ROBO2: variants seen among roughly 807,000 people sequenced by gnomAD.
ROBO2 encodes the protein roundabout homolog 2.
In ROBO2, 53 loss-of-function variants were observed where a neutral mutation model predicts 160.8. The observed-to-expected ratio is 0.33, with a 90% CI of 0.26 to 0.41. The LOEUF (loss-of-function observed/expected upper bound fraction) is 0.41. Ranked by LOEUF, ROBO2 falls within the 10% of genes least tolerant of loss-of-function variation. ROBO2 has a pLI of 1.00. For synonymous variants in ROBO2, 664 were observed against 611.7 expected, an observed-to-expected ratio of 1.09 and a Z score of -1.26; for missense variants, 1,577 against 1,722.4, an observed-to-expected ratio of 0.92 and a Z score of 1.49.
intron 2 of ROBO2, among the ~76,000 whole-genome samples, chr3:76,482,334 T>A (rs1051054071): frequency 6.6e-6 from 1 of 152,124 alleles, no homozygotes; most frequent in Non-Finnish European, 1.5e-5. Context: ...CCATGAATAT[T>A]CAAGTTTATT....
intron 1 of ROBO2, among the ~76,000 whole-genome samples, chr3:77,057,988 A>T (rs1056144955): frequency 2.0e-5 from 3 of 152,090 alleles, no homozygotes; most frequent in African/African-American, 7.2e-5. Flanking sequence ...TTAAAGTAAA[A>T]TTAAAAAAAA....
intron 4 of ROBO2, among the ~76,000 whole-genome samples, chr3:77,491,097 T>C (rs2086049020): frequency 6.6e-6 from 1 of 152,192 alleles, no homozygotes; most frequent in South Asian, 2.1e-4. Flanking sequence ...TATCACTCAC[T>C]CTCTGTCTAG....
At chr3:76,073,341 T>A (rs1217265192) in intron 2 of ROBO2, among the ~76,000 whole-genome samples, 4 of 119,732 alleles carry the variant, frequency 3.3e-5, no homozygotes, top group Non-Finnish European at 1.6e-5. Flanking sequence ...TCACCCAGGC[T>A]GGAGTGCAGG....
At chr3:76,911,835 C>T (rs540966307) in intron 2 of ROBO2, among the ~76,000 whole-genome samples, 137 of 152,154 alleles carry the variant, frequency 9.0e-4, no homozygotes, top group African/African-American at 3.2e-3. Flanking sequence ...GGTGTGGTGG[C>T]GCATGCCTGT....
intron 2 of ROBO2, among the ~76,000 whole-genome samples, chr3:76,276,583 T>A (rs1276818941): frequency 3.3e-5 from 5 of 152,202 alleles, no homozygotes; most frequent in African/African-American, 9.6e-5. Flanking sequence ...TTAAAACTAC[T>A]TTTTATAAAT....
At chr3:75,968,691 C>T (rs182761230) in intron 2 of ROBO2, among the ~76,000 whole-genome samples, 1 of 151,666 alleles carries the variant, frequency 6.6e-6, no homozygotes, top group Admixed American at 6.6e-5. Context: ...CTTACTCATC[C>T]TACATGACTG....
intron 2 of ROBO2, among the ~76,000 whole-genome samples, chr3:76,550,276 G>A (rs1286823817): frequency 6.6e-6 from 1 of 152,046 alleles, no homozygotes; most frequent in Non-Finnish European, 1.5e-5. Context: ...CCACTGCATG[G>A]GGAAAAAGAA....
chr3:76,796,912 A>G (rs1053061754), intron 2 of ROBO2, among the ~76,000 whole-genome samples: 1 of 152,182 alleles, frequency 6.6e-6, no homozygotes, highest in Admixed American at 6.5e-5. Flanking sequence ...GTGTAAATAT[A>G]TATGCACCCA....
intron 2 of ROBO2, among the ~76,000 whole-genome samples, chr3:76,277,920 G>GT (rs961707493): frequency 4.7e-5 from 7 of 150,282 alleles, no homozygotes; most frequent in South Asian, 2.1e-4. Context: ...GAAAGTTACA[G>GT]TTTTTTGTTT....
intron 2 of ROBO2, among the ~76,000 whole-genome samples, chr3:76,138,657 AT>A (rs2106736622): frequency 6.6e-6 from 1 of 152,182 alleles, no homozygotes; most frequent in African/African-American, 2.4e-5. Flanking sequence ...ACATTTTATG[AT>A]TTTCAGGTAT....
intron 2 of ROBO2, among the ~76,000 whole-genome samples, chr3:76,080,084 T>C (rs1293209462): frequency 1.3e-5 from 2 of 152,218 alleles, no homozygotes; most frequent in Non-Finnish European, 2.9e-5. Context: ...TTTCTCATGT[T>C]GAAGGCGAAA....
intron 2 of ROBO2, among the ~76,000 whole-genome samples, chr3:77,432,730 C>T (rs2078904557): frequency 6.6e-6 from 1 of 152,054 alleles, no homozygotes; most frequent in African/African-American, 2.4e-5. Flanking sequence ...CTTTAATGAC[C>T]ACAAGGAAGG....
chr3:76,424,320 A>G (rs1199397267), intron 2 of ROBO2, among the ~76,000 whole-genome samples: 1 of 152,192 alleles, frequency 6.6e-6, no homozygotes, highest in African/African-American at 2.4e-5. Flanking sequence ...GTTATTAACA[A>G]TGTTTATACA....
intron 2 of ROBO2, among the ~76,000 whole-genome samples, chr3:76,763,929 C>T (rs2608161): frequency 0.84 from 127,178 of 151,728 alleles, 53,406 homozygotes; most frequent in Admixed American, 0.86. Flanking sequence ...TTTTGACAGA[C>T]CTTCTTCTTA....
chr3:77,268,509 A>C (rs1484772947), intron 2 of ROBO2, among the ~76,000 whole-genome samples: 1 of 152,182 alleles, frequency 6.6e-6, no homozygotes, highest in Non-Finnish European at 1.5e-5. Flanking sequence ...AGAGTTTAGG[A>C]CACCAAGACT....
intron 2 of ROBO2, among the ~76,000 whole-genome samples, chr3:77,416,174 G>A (rs878869713): frequency 1.3e-5 from 2 of 152,180 alleles, no homozygotes; most frequent in Admixed American, 1.3e-4. Context: ...GTGTGAGGGG[G>A]AGGGCCCGAA....
chr3:77,101,247 A>C (rs2071881918), intron 2 of ROBO2, among the ~76,000 whole-genome samples: 2 of 152,226 alleles, frequency 1.3e-5, no homozygotes, highest in Non-Finnish European at 2.9e-5. Flanking sequence ...TAGGAATTAT[A>C]AACTATGTGA....
In ROBO2 at chr3:76,740,995, G is replaced by A. The variant is rs1274613692; in HGVS notation, c.110-357019G>A. 2.0e-5 allele frequency among the ~76,000 whole-genome samples: 3 copies of A among 151,988 alleles called. No individual in the cohort carries two copies. In the South Asian group the frequency reaches 6.2e-4, roughly 31 times the overall value. The stretch of plus-strand genomic sequence containing the variant: ...GCCTTTTGAACTAGGAAACAGTTTT[G>A]AAAGACCAATGGCTTACTACAAATA... On this transcript the variant is annotated intron_variant, in intron 2 of 26. Transcript: ENST00000487694.
chr3:77,198,280 AG>A (rs1207608049), intron 2 of ROBO2, among the ~76,000 whole-genome samples: 8 of 152,188 alleles, frequency 5.3e-5, no homozygotes, highest in African/African-American at 1.9e-4. Context: ...AGGCCTGGTC[AG>A]GGTGGTCAGC....
Sources: gnomAD v4.1 joint callset for allele counts (sites outside exome capture counted in the v4.1 genomes callset) on GRCh38, gnomAD v4.1.1 for gene constraint, MANE v1.5 for transcripts, NCBI Gene and HGNC (gene_info 2026-07-23, HGNC 2026-07-21) for gene names.